The following UACA variants were observed in gnomAD, a reference collection of about 807,000 sequenced individuals.
The protein encoded by UACA is nuclear membrane binding protein.
UACA carries 112 observed loss-of-function variants against 160.5 expected under a neutral mutation model. The observed-to-expected ratio is 0.70, with a 90% CI of 0.60 to 0.82. The LOEUF (loss-of-function observed/expected upper bound fraction) is 0.82. UACA is among the 40% of genes least tolerant of loss of function. The pLI, the probability that UACA is intolerant of heterozygous loss-of-function variation, is 0.00. For synonymous variants in UACA, 557 were observed against 568.4 expected (o/e 0.98, Z 0.29); for missense variants, 1,574 against 1,614.6 (o/e 0.97, Z 0.43).
intron 2 of UACA, among the ~76,000 whole-genome samples, chr15:70,698,447 G>A (rs1898211024): frequency 6.6e-6 from 1 of 152,124 alleles, no homozygotes; most frequent in Non-Finnish European, 1.5e-5. Context: ...CAGTAATGGG[G>A]CAAGATTCAA....
At chr15:70,751,327 G>C (rs2030040058) in intron 1 of UACA, among the ~76,000 whole-genome samples, 1 of 152,184 alleles carries the variant, frequency 6.6e-6, no homozygotes, top group Non-Finnish European at 1.5e-5. Flanking sequence ...AAGGGCTAAA[G>C]CAGGTGGACT....
chr15:70,663,226 G>C (rs1896782004), intron 17 of UACA, among the ~76,000 whole-genome samples: 1 of 152,186 alleles, frequency 6.6e-6, no homozygotes, highest in African/African-American at 2.4e-5. Context: ...CTCAAAAGAA[G>C]ACATTTATGC....
At chr15:70,671,637 GT>G (rs1345467504) in intron 14 of UACA, 1 of 184,172 alleles carries the variant, frequency 5.4e-6, no homozygotes, top group African/African-American at 2.3e-5. Context: ...AGAAAACTAT[GT>G]TTATGTTCTT....
At chr15:70,771,189 CT>C in the UACA span, among the ~76,000 whole-genome samples, 4 of 152,202 alleles carry the variant, frequency 2.6e-5, no homozygotes, top group Non-Finnish European at 5.9e-5. Context: ...ACCGTGCTTC[CT>C]GACAACAAAG....
chr15:70,683,849 AC>A (rs757978171), intron 8 of UACA, among the ~76,000 whole-genome samples: 1 of 151,660 alleles, frequency 6.6e-6, no homozygotes, highest in Non-Finnish European at 1.5e-5. Flanking sequence ...TTTAAAAAAA[AC>A]ATAAAAAATC....
intron 1 of UACA, among the ~76,000 whole-genome samples, chr15:70,705,467 C>G (rs988264307): frequency 8.6e-5 from 13 of 151,964 alleles, no homozygotes; most frequent in Non-Finnish European, 1.6e-4. Flanking sequence ...ACCCGGCAGG[C>G]GGAGGTTGCA....
At chr15:70,743,352 C>T (rs975533297) in intron 1 of UACA, among the ~76,000 whole-genome samples, 3 of 152,164 alleles carry the variant, frequency 2.0e-5, no homozygotes, top group Non-Finnish European at 2.9e-5. Flanking sequence ...TCATTTGCTA[C>T]GTAACATAAT....
Position 70,656,989 on chromosome 15 carries a change from A to T in UACA, c.*67T>A. The T allele has an allele frequency of 7.7e-7, 1 of 1,304,356 alleles. No individual in the cohort carries two copies. Among genetic ancestry groups the T allele is most frequent in the Non-Finnish European group, 1.1e-6 (1 of 900,782 alleles). The allele number at this position is 1,304,356 out of a possible 1,614,324, so 80.8% of individuals were successfully genotyped here. Reference sequence around the variant, plus strand: ...CAGCACAGTAAGGCCCAGAAAGACCATGGAGTTGCACAAAGAATGTTCAGC... The same window carrying T: ...CAGCACAGTAAGGCCCAGAAAGACCTTGGAGTTGCACAAAGAATGTTCAGC... On this transcript the variant is annotated 3_prime_UTR_variant, in exon 19 of 19. Coordinates refer to ENST00000322954, the MANE Select transcript of UACA (RefSeq NM_018003.4).
chr15:70,692,016 AACTATCT>A (rs57186981), intron 3 of UACA, among the ~76,000 whole-genome samples: 2,354 of 152,258 alleles, frequency 0.015, 61 homozygotes, highest in African/African-American at 0.053. Context: ...AACTTGTAGG[AACTATCT>A]ACCTCCAAAC....
chr15:70,664,272 AG>A (rs1357529392), intron 17 of UACA, among the ~76,000 whole-genome samples: 2 of 152,218 alleles, frequency 1.3e-5, no homozygotes, highest in Non-Finnish European at 2.9e-5. Context: ...CCAATATTTT[AG>A]AGAGCACCCT....
At chr15:70,736,713 A>G (rs1899378993) in intron 1 of UACA, among the ~76,000 whole-genome samples, 1 of 152,192 alleles carries the variant, frequency 6.6e-6, no homozygotes, top group African/African-American at 2.4e-5. Context: ...AGTGCTGGGT[A>G]CAGGCGTGAG....
intron 1 of UACA, among the ~76,000 whole-genome samples, chr15:70,702,566 T>G (rs949310778): frequency 6.6e-6 from 1 of 152,214 alleles, no homozygotes; most frequent in Non-Finnish European, 1.5e-5. Flanking sequence ...AGAGACAAAT[T>G]TGGTTATTCC....
intron 1 of UACA, among the ~76,000 whole-genome samples, chr15:70,753,421 C>T (rs540315693): frequency 1.3e-5 from 2 of 152,310 alleles, no homozygotes; most frequent in African/African-American, 4.8e-5. Flanking sequence ...TGCCTCCTCT[C>T]TCCCCTTCTC....
chr15:70,739,755 T>C (rs558368958), intron 1 of UACA, among the ~76,000 whole-genome samples: 5 of 152,352 alleles, frequency 3.3e-5, no homozygotes, highest in African/African-American at 1.2e-4. Context: ...AAATTAATAC[T>C]ACTGGCTCTA....
In UACA at chr15:70,753,470, T is replaced by C. The variant is rs972334076; in HGVS notation, c.78+9860A>G. Among the ~76,000 whole-genome samples the C allele has an allele frequency of 3.9e-5, 6 of 152,296 alleles. No homozygotes were observed. In the South Asian group the frequency reaches 1.0e-3, roughly 26 times the overall value. On this transcript the variant is annotated intron_variant, in intron 1 of 18. Transcript: ENST00000322954. ...TATATGGCTTAAGGTGTAAATCCCA[T>C]AGCATTAAATTTGAAACATCAGTTC...
chr15:70,761,376 A>T (rs906850277), intron 1 of UACA, among the ~76,000 whole-genome samples: 1 of 152,172 alleles, frequency 6.6e-6, no homozygotes, highest in African/African-American at 2.4e-5. Context: ...TACCTATTCA[A>T]AAAATAACTG....
chr15:70,688,189 T>G (rs1264183465), intron 5 of UACA, among the ~76,000 whole-genome samples: 2 of 152,138 alleles, frequency 1.3e-5, no homozygotes, highest in African/African-American at 4.8e-5. Context: ...TTTTAAAGAA[T>G]CATATCCATT....
At chr15:70,709,831 G>T (rs755176188) in intron 1 of UACA, among the ~76,000 whole-genome samples, 4 of 152,174 alleles carry the variant, frequency 2.6e-5, no homozygotes, top group Non-Finnish European at 5.9e-5. Context: ...TAGCTAAAAT[G>T]ATTAGGTAAC....
At position 70,668,835 on chromosome 15, in the gene UACA, T is replaced by C. The variant is rs182468125; in HGVS notation, c.1849A>G (p.Lys617Glu). The change falls in exon 16 of 19, where the codon AAA becomes GAA. Residue 617 changes from lysine (K) to glutamate (E), a missense_variant. Transcript: ENST00000322954. The stretch of plus-strand genomic sequence containing the variant: ...AGGGCCAACTTCGCTGACAATTCTT[T>C]TGCCTGGCCTTCCATCTCTGTGACC... ...RKVTEMEGQA[K>E]ELSAKLALSI... 6.8e-6 allele frequency: 11 copies of C among 1,613,896 alleles called. No individual in the cohort carries two copies. In the Admixed American group the frequency reaches 1.0e-4, roughly 15 times the overall value.
Sources: allele counts gnomAD v4.1 joint callset (sites outside exome capture counted in the v4.1 genomes callset), GRCh38; gene constraint gnomAD v4.1.1; transcripts MANE v1.5; gene names NCBI Gene and HGNC (gene_info 2026-07-23, HGNC 2026-07-21).